Variants in DLG2 observed in about 807,000 individuals in gnomAD.
The protein encoded by DLG2 is discs large MAGUK scaffold protein 2, also known as disks large homolog 2.
DLG2 carries 45 observed loss-of-function variants against 132.5 expected under a neutral mutation model. The observed-to-expected ratio is 0.34, with a 90% CI of 0.27 to 0.44. The LOEUF is 0.44. DLG2 is among the 20% of genes least tolerant of loss of function. The pLI is 1.00. For synonymous variants in DLG2, 424 were observed against 419.6 expected (o/e 1.01, Z -0.13); for missense variants, 1,045 against 1,196.9 (o/e 0.87, Z 1.87).
At chr11:85,566,727 T>G (rs2077550123) in intron 3 of DLG2, among the ~76,000 whole-genome samples, 1 of 152,178 alleles carries the variant, frequency 6.6e-6, no homozygotes, top group East Asian at 1.9e-4. Flanking sequence ...AAATGTGAAT[T>G]TTGTGGGGAA....
chr11:85,087,531 A>G (rs2068089279), intron 6 of DLG2, among the ~76,000 whole-genome samples: 1 of 152,210 alleles, frequency 6.6e-6, no homozygotes, highest in Non-Finnish European at 1.5e-5. Flanking sequence ...CATGAACTAG[A>G]GGAGACATGC....
chr11:83,931,433 T>C (rs1228187047), intron 14 of DLG2, among the ~76,000 whole-genome samples: 2 of 152,218 alleles, frequency 1.3e-5, no homozygotes, highest in African/African-American at 2.4e-5. Flanking sequence ...TCCAATTTTC[T>C]CAGTCTGATG....
intron 16 of DLG2, among the ~76,000 whole-genome samples, chr11:83,842,935 A>T (rs2057928341): frequency 6.6e-6 from 1 of 152,120 alleles, no homozygotes; most frequent in South Asian, 2.1e-4. Context: ...CTCCAGTCAA[A>T]TCCTACAACC....
chr11:83,535,418 T>C (rs2141208939), intron 20 of DLG2, among the ~76,000 whole-genome samples: 1 of 152,296 alleles, frequency 6.6e-6, no homozygotes, highest in East Asian at 1.9e-4. Flanking sequence ...CAGAACTGTT[T>C]GGACAGAGCA....
chr11:83,901,083 C>A (rs1293271299), intron 15 of DLG2, among the ~76,000 whole-genome samples: 1 of 152,178 alleles, frequency 6.6e-6, no homozygotes, highest in African/African-American at 2.4e-5. Flanking sequence ...GAGCCTATAG[C>A]CCCTTTGTTT....
At chr11:84,428,445 A>G (rs143085314) in intron 7 of DLG2, among the ~76,000 whole-genome samples, 3 of 152,328 alleles carry the variant, frequency 2.0e-5, no homozygotes, top group Non-Finnish European at 4.4e-5. Context: ...GGCTTAAACA[A>G]AAGAAATTTA....
chr11:84,664,374 A>G (rs904153426), intron 6 of DLG2, among the ~76,000 whole-genome samples: 2 of 152,224 alleles, frequency 1.3e-5, no homozygotes, highest in Non-Finnish European at 2.9e-5. Context: ...TTACAAAGTC[A>G]TGGAATATAA....
chr11:84,619,273 T>C (rs948212080), intron 6 of DLG2, among the ~76,000 whole-genome samples: 6 of 151,862 alleles, frequency 4.0e-5, no homozygotes, highest in African/African-American at 1.2e-4. Context: ...AACAAATAAA[T>C]ATTTGTAAAT....
At chr11:85,221,131 C>T (rs563143465) in intron 4 of DLG2, among the ~76,000 whole-genome samples, 2 of 151,774 alleles carry the variant, frequency 1.3e-5, no homozygotes, top group Non-Finnish European at 2.9e-5. Context: ...CAAGCTCTGC[C>T]CCCTGGGTTC....
rs188818915 is a variant in DLG2, at chr11:84,506,546, T to C, written c.519+28024A>G. Reference sequence around the variant, plus strand: ...CATTCTAGAAACTTCATCTAAAAGCTGGAAAAGGCAAGGAAACTGATTCTT... The same window carrying C: ...CATTCTAGAAACTTCATCTAAAAGCCGGAAAAGGCAAGGAAACTGATTCTT... On this transcript the variant is annotated intron_variant, in intron 7 of 27. Transcript: ENST00000376104. Among the ~76,000 whole-genome samples the C allele has an allele frequency of 4.6e-5, 7 of 152,266 alleles. No homozygotes were observed. In the East Asian group the frequency reaches 1.4e-3, roughly 29 times the overall value.
intron 6 of DLG2, among the ~76,000 whole-genome samples, chr11:84,779,806 A>G (rs886861164): frequency 6.6e-6 from 1 of 152,072 alleles, no homozygotes; most frequent in Admixed American, 6.6e-5. Flanking sequence ...GGAAATGTAC[A>G]ACCTCCCCGT....
intron 6 of DLG2, among the ~76,000 whole-genome samples, chr11:84,834,895 G>A (rs2079529744): frequency 1.3e-5 from 2 of 151,158 alleles, no homozygotes; most frequent in South Asian, 4.2e-4. Context: ...GTCTTTCAGG[G>A]TGTTAATGAA....
intron 3 of DLG2, among the ~76,000 whole-genome samples, chr11:85,575,219 T>C (rs1474435169): frequency 6.6e-6 from 1 of 151,738 alleles, no homozygotes; most frequent in Non-Finnish European, 1.5e-5. Context: ...AAACTAAGCA[T>C]TTCCTACTAC....
intron 3 of DLG2, among the ~76,000 whole-genome samples, chr11:85,515,937 A>G (rs756665134): frequency 4.7e-4 from 72 of 152,208 alleles, no homozygotes; most frequent in African/African-American, 1.5e-3. Context: ...CTCCTTGATT[A>G]CAAAGTAAGG....
intron 6 of DLG2, among the ~76,000 whole-genome samples, chr11:84,790,623 C>G (rs933637334): frequency 6.6e-6 from 1 of 152,122 alleles, no homozygotes; most frequent in African/African-American, 2.4e-5. Flanking sequence ...GCTTTGGTTG[C>G]CTGTGCTTGT....
At chr11:85,055,801 C>T (rs1486995340) in intron 6 of DLG2, among the ~76,000 whole-genome samples, 1 of 152,042 alleles carries the variant, frequency 6.6e-6, no homozygotes. Flanking sequence ...GTTCAGGGCC[C>T]ACCAATAAGG....
intron 4 of DLG2, among the ~76,000 whole-genome samples, chr11:85,223,463 A>C (rs1352246595): frequency 6.6e-6 from 1 of 152,038 alleles, no homozygotes; most frequent in East Asian, 1.9e-4. Flanking sequence ...GGTGAAACCC[A>C]TCTCTATTAA....
intron 7 of DLG2, among the ~76,000 whole-genome samples, chr11:84,507,828 A>G (rs1229933920): frequency 6.6e-6 from 1 of 152,214 alleles, no homozygotes; most frequent in Non-Finnish European, 1.5e-5. Context: ...AGCCTGCTTT[A>G]TCACGGTGTA....
chr11:85,239,937 C>T (rs1047664042), intron 4 of DLG2, among the ~76,000 whole-genome samples: 1 of 151,910 alleles, frequency 6.6e-6, no homozygotes, highest in African/African-American at 2.4e-5. Flanking sequence ...ATTGCTGGCT[C>T]ATAGGATATG....
Sources: gnomAD v4.1 joint callset for allele counts (sites outside exome capture counted in the v4.1 genomes callset) on GRCh38, gnomAD v4.1.1 for gene constraint, MANE v1.5 for transcripts, NCBI Gene and HGNC (gene_info 2026-07-23, HGNC 2026-07-21) for gene names.